The following PHTF2 variants were observed in gnomAD, a reference collection of about 807,000 sequenced individuals.
The protein encoded by PHTF2 is protein PHTF2.
PHTF2 carries 60 observed loss-of-function variants against 101.2 expected under a neutral mutation model. The observed-to-expected ratio is 0.59, with a 90% confidence interval of 0.48 to 0.73. PHTF2 has a LOEUF of 0.73. Among genes scored for constraint, PHTF2 ranks in the 30% least tolerant of loss-of-function variants. PHTF2 has a pLI of 0.00. For missense variants in PHTF2, 747 were observed against 908.7 expected (o/e 0.82, Z 2.29); for synonymous variants, 311 against 307.3 (o/e 1.01, Z -0.13).
intron 16 of PHTF2, among the ~76,000 whole-genome samples, chr7:77,943,410 AGC>A (rs1349162692): frequency 6.6e-6 from 1 of 152,172 alleles, no homozygotes; most frequent in African/African-American, 2.4e-5. Flanking sequence ...TACAGGCGTG[AGC>A]CACAGCGCCC....
intron 3 of PHTF2, among the ~76,000 whole-genome samples, chr7:77,868,047 TC>T (rs1169845438): frequency 1.3e-5 from 2 of 152,232 alleles, no homozygotes; most frequent in African/African-American, 4.8e-5. Flanking sequence ...TTTCCTTTTT[TC>T]CCCCCATTCT....
chr7:77,930,293 G>T (rs1184578740), intron 12 of PHTF2, among the ~76,000 whole-genome samples: 1 of 152,178 alleles, frequency 6.6e-6, no homozygotes, highest in Non-Finnish European at 1.5e-5. Flanking sequence ...CCACATGTGA[G>T]GAGGGTACTA....
chr7:77,918,970 A>C (rs1054037174), intron 9 of PHTF2, among the ~76,000 whole-genome samples: 29 of 152,330 alleles, frequency 1.9e-4, no homozygotes, highest in African/African-American at 6.3e-4. Flanking sequence ...AAGGAAGGAA[A>C]GGGGCCTGTT....
intron 11 of PHTF2, 44 bp from the exon 11 acceptor site, chr7:77,929,065 G>A: frequency 7.2e-7 from 1 of 1,393,094 alleles, no homozygotes; most frequent in Non-Finnish European, 1.0e-6. Context: ...GAGTTGGAAA[G>A]AGTACATAAA....
At chr7:77,802,395 A>G (rs1562823485) in intron 1 of PHTF2, among the ~76,000 whole-genome samples, 1 of 152,216 alleles carries the variant, frequency 6.6e-6, no homozygotes, top group Non-Finnish European at 1.5e-5. Flanking sequence ...GTTCAAATTA[A>G]GACTCAAAGA....
At chr7:77,909,817 G>A (rs1406685506) in intron 8 of PHTF2, 1 of 154,152 alleles carries the variant, frequency 6.5e-6, no homozygotes, top group African/African-American at 2.4e-5. Context: ...TGTGACATTT[G>A]TAGTTTTTTG....
At chr7:77,860,482 G>T (rs915513579) in intron 3 of PHTF2, among the ~76,000 whole-genome samples, 4 of 152,106 alleles carry the variant, frequency 2.6e-5, no homozygotes, top group African/African-American at 9.7e-5. Context: ...CTTTGGGTGA[G>T]TTTCTTAACT....
rs147581513 is a variant in PHTF2, at chr7:77,899,844, A to G, written c.217-867A>G. Among the ~76,000 whole-genome samples the G allele has an allele frequency of 1.2e-4, 18 of 152,254 alleles. No individual in the cohort carries two copies. In the East Asian group the frequency reaches 3.5e-3, roughly 29 times the overall value. On this transcript the variant is annotated intron_variant, in intron 5 of 19. Coordinates refer to ENST00000416283, the Ensembl canonical transcript of PHTF2. The stretch of plus-strand genomic sequence containing the variant: ...TAAACACTTGTGTCATCTCGCAGTA[A>G]TTGGCTCCTGAAGAGTTTAGCTTAA...
At chr7:77,799,730 C>T (rs1792382850) in intron 1 of PHTF2, among the ~76,000 whole-genome samples, 1 of 152,210 alleles carries the variant, frequency 6.6e-6, no homozygotes. Context: ...TGTCACTAAT[C>T]TGTCACCCTT....
chr7:77,834,830 A>T (rs1369987219), intron 1 of PHTF2, among the ~76,000 whole-genome samples: 1 of 152,194 alleles, frequency 6.6e-6, no homozygotes, highest in Non-Finnish European at 1.5e-5. Flanking sequence ...GAGACAAAGA[A>T]TGTTGCCACA....
intron 6 of PHTF2, 29 bp from the exon 6 acceptor site, chr7:77,901,733 A>T (rs1334929852): frequency 2.3e-6 from 3 of 1,323,718 alleles, no homozygotes; most frequent in Non-Finnish European, 3.0e-6. Flanking sequence ...ATATAAATAT[A>T]CTCTGTTGTC....
chr7:77,882,877 C>T (rs1229800052), intron 3 of PHTF2, among the ~76,000 whole-genome samples: 1 of 152,102 alleles, frequency 6.6e-6, no homozygotes, highest in Non-Finnish European at 1.5e-5. Flanking sequence ...ATTTGATCCT[C>T]ATCATTAAAG....
chr7:77,941,567 G>C (rs1562970822), intron 15 of PHTF2, among the ~76,000 whole-genome samples: 1 of 152,138 alleles, frequency 6.6e-6, no homozygotes, highest in Non-Finnish European at 1.5e-5. Context: ...TCATACGTAA[G>C]CTTATACTTC....
chr7:77,920,408 T>C, exon 10 of PHTF2: 2 of 1,613,688 alleles, frequency 1.2e-6, no homozygotes, highest in South Asian at 2.2e-5. Flanking sequence ...AGTGTGAAAC[T>C]ATTCGACCAG....
intron 3 of PHTF2, among the ~76,000 whole-genome samples, 165 bp from the exon 3 acceptor site, chr7:77,893,443 C>G (rs1198599443): frequency 6.6e-6 from 1 of 152,106 alleles, no homozygotes; most frequent in African/African-American, 2.4e-5. Context: ...TGAAATCATA[C>G]TTTGAGAACC....
intron 1 of PHTF2, among the ~76,000 whole-genome samples, chr7:77,837,863 G>A (rs1795585642): frequency 6.6e-6 from 1 of 151,990 alleles, no homozygotes; most frequent in South Asian, 2.1e-4. Context: ...TATCTGATAT[G>A]TTTAATAGAG....
chr7:77,900,104 C>T (rs1801253858), intron 5 of PHTF2, among the ~76,000 whole-genome samples: 1 of 152,068 alleles, frequency 6.6e-6, no homozygotes, highest in African/African-American at 2.4e-5. Context: ...CTGCCTCTCC[C>T]TCCTCCCCTT....
chr7:77,953,000 C>T (rs760793042), intron 18 of PHTF2, among the ~76,000 whole-genome samples: 1 of 152,134 alleles, frequency 6.6e-6, no homozygotes, highest in Non-Finnish European at 1.5e-5. Flanking sequence ...GATCTCATTG[C>T]TCCCTAGTCT....
chr7:77,951,181 A>G (rs757805994), intron 17 of PHTF2, among the ~76,000 whole-genome samples: 4 of 152,182 alleles, frequency 2.6e-5, no homozygotes, highest in South Asian at 2.1e-4. Flanking sequence ...GTGACTGCCT[A>G]TAATCCCAAC....
Sources: allele counts gnomAD v4.1 joint callset (sites outside exome capture counted in the v4.1 genomes callset), GRCh38; gene constraint gnomAD v4.1.1; transcripts MANE v1.5; gene names NCBI Gene and HGNC (gene_info 2026-07-23, HGNC 2026-07-21).